Variants in KY observed in about 807,000 individuals in gnomAD.
KY encodes the protein kyphoscoliosis peptidase.
In KY, 43 loss-of-function variants were observed where a neutral mutation model predicts 76.1. The observed-to-expected ratio is 0.57, with a 90% confidence interval of 0.44 to 0.73. The LOEUF (loss-of-function observed/expected upper bound fraction) is 0.73, where lower values mean the gene tolerates loss of function less well. Ranked by LOEUF, KY falls within the 30% of genes least tolerant of loss-of-function variation. The pLI is 0.00. For missense variants in KY, 722 were observed against 828.9 expected, an observed-to-expected ratio of 0.87 and a Z score of 1.58; for synonymous variants, 277 against 326.2, an observed-to-expected ratio of 0.85 and a Z score of 1.63.
intron 8 of KY, among the ~76,000 whole-genome samples, chr3:134,616,497 T>C (rs1961588437): frequency 6.6e-6 from 1 of 152,186 alleles, no homozygotes; most frequent in South Asian, 2.1e-4. Flanking sequence ...AGAGAGTTAG[T>C]AGAGGGATGC....
At chr3:134,611,922 G>A (rs1211509055) in intron 8 of KY, among the ~76,000 whole-genome samples, 1 of 152,210 alleles carries the variant, frequency 6.6e-6, no homozygotes, top group East Asian at 1.9e-4. Context: ...CAAAATATTG[G>A]ATTAAATATT....
At chr3:134,642,449 G>A (rs147254638) in intron 3 of KY, among the ~76,000 whole-genome samples, 54 of 152,316 alleles carry the variant, frequency 3.5e-4, no homozygotes, top group African/African-American at 1.0e-3. Context: ...CAAGGTGGGC[G>A]TGAGAGTCTC....
At chr3:134,628,735 G>A (rs557923844) in intron 4 of KY, among the ~76,000 whole-genome samples, 2 of 152,222 alleles carry the variant, frequency 1.3e-5, no homozygotes, top group South Asian at 4.2e-4. Context: ...ATCTTATGAG[G>A]CAGATTCGCT....
rs1284369106 is a variant in KY at position 134,651,014 on chromosome 3, G to T, written c.-54C>A. On this transcript the variant is annotated 5_prime_UTR_variant, in exon 1 of 11. Coordinates refer to ENST00000423778, the MANE Select transcript of KY (RefSeq NM_178554.6). Reference sequence around the variant, plus strand: ...CGCGGCCGCACGCTAGGCTGCTTGCGCTGCAAATGGCCCCGTGCGCGCAGC... The same window carrying T: ...CGCGGCCGCACGCTAGGCTGCTTGCTCTGCAAATGGCCCCGTGCGCGCAGC... The T allele has an allele frequency of 3.1e-6, 5 of 1,609,386 alleles. No individual in the cohort carries two copies. Among genetic ancestry groups the T allele is most frequent in the Non-Finnish European group, 4.2e-6 (5 of 1,177,978 alleles).
Position 134,603,834 on chromosome 3 carries a change from C to T in KY, c.1731G>A (p.Gln577=). ...ACAGAGGTTCCAGCAGCTCATTGTCCTGTCCCCAGTTGCCAAAGCTCTCAG... is the reference window on the plus strand; with the variant it reads ...ACAGAGGTTCCAGCAGCTCATTGTCTTGTCCCCAGTTGCCAAAGCTCTCAG... The part of the protein sequence containing the change: ...MFPESFGNWG[Q]DNELLEPLSG... The change falls in exon 11 of 11, where the codon CAG becomes CAA. Residue 577 remains glutamine, a synonymous_variant. Transcript: ENST00000423778. The T allele has an allele frequency of 1.2e-6, 2 of 1,614,022 alleles. No individual in the cohort carries two copies. Among genetic ancestry groups the T allele is most frequent in the Non-Finnish European group, 1.7e-6 (2 of 1,179,878 alleles).
Position 134,604,002 on chromosome 3 carries a change from G to T in KY, c.1563C>A (p.Thr521=), listed in dbSNP as rs80161977. The change falls in exon 11 of 11, where the codon ACC becomes ACA. Residue 521 remains threonine (T), a synonymous_variant. Transcript: ENST00000423778. The part of the protein sequence containing the change: ...YIFQLHREKQ[T]ELKVQLPHAG... ...CATGGGGCAGCTGGACTTTCAGCTCGGTCTGCTTCTCCCGGTGCAGCTGGA... is the reference window on the plus strand; with the variant it reads ...CATGGGGCAGCTGGACTTTCAGCTCTGTCTGCTTCTCCCGGTGCAGCTGGA... The T allele has an allele frequency of 6.2e-7, 1 of 1,613,720 alleles. No homozygotes were observed. Among genetic ancestry groups the T allele is most frequent in the African/African-American group, 1.3e-5 (1 of 74,908 alleles).
chr3:134,612,751 C>CTGTGTGTGTGTG (rs35084772), intron 8 of KY, among the ~76,000 whole-genome samples: 2,734 of 125,398 alleles, frequency 0.022, 59 homozygotes, highest in African/African-American at 0.037. Flanking sequence ...CACGCCGATG[C>CTGTGTGTGTGTG]TGTGTGTGTG....
At chr3:134,610,680 G>C (rs1242787477) in intron 8 of KY, 1 of 296,704 alleles carries the variant, frequency 3.4e-6, no homozygotes, top group Non-Finnish European at 6.2e-6. Flanking sequence ...CATCCCTAGA[G>C]CCTGCTTGAC....
intron 8 of KY, among the ~76,000 whole-genome samples, chr3:134,614,249 G>T (rs1560108767): frequency 6.6e-6 from 1 of 152,088 alleles, no homozygotes; most frequent in Admixed American, 6.5e-5. Context: ...GAAGAGCTCC[G>T]ACCAGCCATC....
At chr3:134,612,478 G>A (rs1227114313) in intron 8 of KY, among the ~76,000 whole-genome samples, 1 of 152,128 alleles carries the variant, frequency 6.6e-6, no homozygotes, top group African/African-American at 2.4e-5. Context: ...GGCTGAGGGG[G>A]TTGTTCTCAG....
chr3:134,606,874 GC>G, intron 10 of KY: 1 of 967,304 alleles, frequency 1.0e-6, no homozygotes, highest in South Asian at 4.8e-5. Flanking sequence ...CAGCTTTCCA[GC>G]CCCTTATCTA....
intron 9 of KY, 131 bp downstream of exon 9, chr3:134,610,064 G>C: frequency 2.1e-6 from 2 of 955,882 alleles, no homozygotes; most frequent in Non-Finnish European, 3.2e-6. Context: ...GAGCCGAGGA[G>C]GAGTGGGCAT....
intron 1 of KY, among the ~76,000 whole-genome samples, chr3:134,648,345 T>C (rs1042470196): frequency 6.6e-6 from 1 of 152,168 alleles, no homozygotes; most frequent in African/African-American, 2.4e-5. Context: ...CCTTCTTTTC[T>C]GCAGAGCCCC....
intron 1 of KY, among the ~76,000 whole-genome samples, chr3:134,649,700 C>T (rs998108129): frequency 6.6e-6 from 1 of 152,214 alleles, no homozygotes; most frequent in African/African-American, 2.4e-5. Context: ...TTTCTTTCCC[C>T]TGCCTGCCTT....
intron 9 of KY, 49 bp from the exon 10 acceptor site, chr3:134,608,888 A>AG: frequency 6.4e-7 from 1 of 1,564,296 alleles, no homozygotes; most frequent in South Asian, 1.2e-5. Flanking sequence ...CAGGGGAGGC[A>AG]GGGGCCCAAT....
chr3:134,620,078 C>T (rs1029564426), intron 7 of KY: 1 of 152,288 alleles, frequency 6.6e-6, no homozygotes, highest in African/African-American at 2.4e-5. Flanking sequence ...TAGGAGTCCA[C>T]CTCGTGATCT....
At chr3:134,628,581 C>T (rs1963779227) in intron 4 of KY, among the ~76,000 whole-genome samples, 1 of 152,202 alleles carries the variant, frequency 6.6e-6, no homozygotes, top group Non-Finnish European at 1.5e-5. Flanking sequence ...CTCACACCTG[C>T]ATTTTGTATT....
chr3:134,628,153 C>T (rs1963719011), intron 4 of KY: 2 of 305,532 alleles, frequency 6.5e-6, no homozygotes, highest in South Asian at 9.9e-5. Flanking sequence ...TTGGAGTTTC[C>T]TGCTTTCTTG....
At chr3:134,644,794 C>CA (rs1283706760) in intron 2 of KY, among the ~76,000 whole-genome samples, 6 of 152,216 alleles carry the variant, frequency 3.9e-5, no homozygotes, top group Non-Finnish European at 4.4e-5. Context: ...ATCCACCTGA[C>CA]AGAGTCCTGC....
Sources: allele counts gnomAD v4.1 joint callset (sites outside exome capture counted in the v4.1 genomes callset), GRCh38; gene constraint gnomAD v4.1.1; transcripts MANE v1.5; gene names NCBI Gene and HGNC (gene_info 2026-07-23, HGNC 2026-07-21).